PCSK5: variants seen among roughly 807,000 people sequenced by gnomAD.
PCSK5 encodes proprotein convertase subtilisin/kexin type 5.
Under a neutral mutation model 233.2 loss-of-function variants are expected in PCSK5, and 129 were observed. The observed-to-expected ratio is 0.55, with a 90% CI of 0.48 to 0.64. The LOEUF (loss-of-function observed/expected upper bound fraction) is 0.64, where lower values mean the gene tolerates loss of function less well. Among genes scored for constraint, PCSK5 ranks in the 30% least tolerant of loss-of-function variants. The pLI, the probability that PCSK5 is intolerant of heterozygous loss-of-function variation, is 0.00. For missense variants in PCSK5, 2,076 were observed against 2,430.1 expected, an observed-to-expected ratio of 0.85 and a Z score of 3.06; for synonymous variants, 825 against 879.2, an observed-to-expected ratio of 0.94 and a Z score of 1.09.
intron 5 of PCSK5, among the ~76,000 whole-genome samples, chr9:76,035,786 A>G (rs1189811308): frequency 2.0e-5 from 3 of 152,146 alleles, no homozygotes; most frequent in Non-Finnish European, 4.4e-5. Context: ...TTGCATCCTT[A>G]TATTTTCTTG....
intron 5 of PCSK5, among the ~76,000 whole-genome samples, chr9:76,048,282 C>T (rs1229377463): frequency 6.6e-6 from 1 of 152,134 alleles, no homozygotes; most frequent in Non-Finnish European, 1.5e-5. Flanking sequence ...GAGGGGTGCT[C>T]GAATTGGCAC....
intron 5 of PCSK5, among the ~76,000 whole-genome samples, chr9:76,041,720 TC>T (rs1829127679): frequency 6.6e-6 from 1 of 151,506 alleles, no homozygotes; most frequent in Non-Finnish European, 1.5e-5. Context: ...GTGCCTGTAG[TC>T]CCAGCTACTC....
intron 20 of PCSK5, among the ~76,000 whole-genome samples, chr9:76,204,384 G>A (rs1271956093): frequency 6.6e-6 from 1 of 152,108 alleles, no homozygotes. Flanking sequence ...GTCCTGCGAA[G>A]TCTGATACCC....
chr9:76,179,515 T>A (rs767928411), intron 14 of PCSK5, 81 bp from the exon 15 acceptor site: 1 of 990,916 alleles, frequency 1.0e-6, no homozygotes, highest in Non-Finnish European at 1.5e-6. Flanking sequence ...AAAAAAGTCT[T>A]ATTTTTATAC....
At chr9:76,331,859 C>T (rs1488029129) in intron 33 of PCSK5, among the ~76,000 whole-genome samples, 2 of 152,154 alleles carry the variant, frequency 1.3e-5, no homozygotes, top group African/African-American at 4.8e-5. Flanking sequence ...CCTAGAGCCT[C>T]TAAAAGGAAC....
intron 24 of PCSK5, among the ~76,000 whole-genome samples, chr9:76,273,624 G>C (rs1437290354): frequency 1.4e-5 from 2 of 139,752 alleles, no homozygotes; most frequent in Non-Finnish European, 1.5e-5. Context: ...ATTAATCATG[G>C]GGATTTATTG....
At chr9:76,347,743 T>G (rs1211645973) in intron 35 of PCSK5, among the ~76,000 whole-genome samples, 1 of 137,250 alleles carries the variant, frequency 7.3e-6, no homozygotes, top group Non-Finnish European at 1.5e-5. Flanking sequence ...AGAGTAAAAC[T>G]CCGTCTCCAA....
Position 76,290,667 on chromosome 9 carries a change from G to A in PCSK5, c.3143-1566G>A, listed in dbSNP as rs139738623. Among the ~76,000 whole-genome samples, 32 of 152,334 alleles carry A rather than the reference G, an allele frequency of 2.1e-4. 1 individual carries two copies. The East Asian group carries it at 4.0e-3, about 19-fold the overall frequency. On this transcript the variant is annotated intron_variant, in intron 24 of 37. Coordinates refer to ENST00000674117, the MANE Select transcript of PCSK5 (RefSeq NM_001372043.1). Reference sequence around the variant, plus strand: ...GACACCTGTGTCCCCTAGCAAAGATGAGCATGACCAAGTCATGAGCTAATA... The same window carrying A: ...GACACCTGTGTCCCCTAGCAAAGATAAGCATGACCAAGTCATGAGCTAATA...
chr9:76,260,445 CCAGCTGCAGT>C (rs1827133067), intron 24 of PCSK5, among the ~76,000 whole-genome samples: 1 of 152,208 alleles, frequency 6.6e-6, no homozygotes, highest in South Asian at 2.1e-4. Context: ...GAGAACCTTT[CCAGCTGCAGT>C]CAGAAAGACA....
chr9:75,938,290 G>C (rs1564095273), intron 2 of PCSK5, among the ~76,000 whole-genome samples: 1 of 152,162 alleles, frequency 6.6e-6, no homozygotes, highest in Non-Finnish European at 1.5e-5. Context: ...GAAATAAGGA[G>C]GCCTGGGGAG....
chr9:76,293,873 A>G (rs1210192404), intron 25 of PCSK5, among the ~76,000 whole-genome samples: 1 of 152,252 alleles, frequency 6.6e-6, no homozygotes, highest in East Asian at 1.9e-4. Context: ...ACATTCAGCA[A>G]CTTTGAATAC....
At chr9:76,030,358 A>T (rs909929984) in intron 5 of PCSK5, among the ~76,000 whole-genome samples, 4 of 152,128 alleles carry the variant, frequency 2.6e-5, no homozygotes, top group African/African-American at 9.7e-5. Flanking sequence ...ATAGCTGATT[A>T]TAAAACCATC....
chr9:76,191,812 C>G (rs1022321372), intron 20 of PCSK5, among the ~76,000 whole-genome samples: 3 of 152,032 alleles, frequency 2.0e-5, no homozygotes, highest in Non-Finnish European at 4.4e-5. Context: ...ACATGGCTCC[C>G]CTATTTCTGA....
In PCSK5 at chr9:75,939,909, T is replaced by C. The variant is rs1221344571; in HGVS notation, c.297+7426T>C. 2.6e-5 allele frequency among the ~76,000 whole-genome samples: 4 copies of C among 152,200 alleles called. No individual in the cohort carries two copies. The East Asian group carries it at 5.8e-4, about 22-fold the overall frequency. On this transcript the variant is annotated intron_variant, in intron 2 of 37. Transcript: ENST00000674117. ...AGTAAGCAATGGGCATCTCCCATCT[T>C]GTCGCTCCCTACGTTCACCTCAGCC...
At chr9:76,300,930 T>C (rs750959939) in intron 27 of PCSK5, among the ~76,000 whole-genome samples, 2 of 152,156 alleles carry the variant, frequency 1.3e-5, no homozygotes, top group Non-Finnish European at 2.9e-5. Flanking sequence ...TTTTAACACT[T>C]GAAACACCAG....
chr9:75,920,418 T>G (rs1004244686), intron 1 of PCSK5, among the ~76,000 whole-genome samples: 37 of 152,216 alleles, frequency 2.4e-4, no homozygotes, highest in African/African-American at 8.9e-4. Flanking sequence ...CCTCCCAAAG[T>G]GCTAGAATCT....
At chr9:75,995,781 A>ACACACACACT (rs1491211865) in intron 3 of PCSK5, among the ~76,000 whole-genome samples, 2 of 145,348 alleles carry the variant, frequency 1.4e-5, no homozygotes, top group African/African-American at 2.5e-5. Context: ...ACACACACAC[A>ACACACACACT]CTCACACCTC....
intron 30 of PCSK5, among the ~76,000 whole-genome samples, chr9:76,311,895 G>C (rs988592446): frequency 6.6e-6 from 1 of 152,242 alleles, no homozygotes; most frequent in Non-Finnish European, 1.5e-5. Context: ...CACTACCAGG[G>C]CCAGGAAAGG....
intron 1 of PCSK5, among the ~76,000 whole-genome samples, chr9:75,896,481 C>T (rs1825812399): frequency 6.6e-6 from 1 of 152,160 alleles, no homozygotes; most frequent in Non-Finnish European, 1.5e-5. Flanking sequence ...GGAGTCCTGA[C>T]CCAGAAATAT....
Sources: allele counts gnomAD v4.1 joint callset (sites outside exome capture counted in the v4.1 genomes callset), GRCh38; gene constraint gnomAD v4.1.1; transcripts MANE v1.5; gene names NCBI Gene and HGNC (gene_info 2026-07-23, HGNC 2026-07-21).